The following TNRC6C variants were observed in gnomAD, a reference collection of about 807,000 sequenced individuals.
TNRC6C encodes the protein trinucleotide repeat containing adaptor 6C, also known as trinucleotide repeat-containing gene 6C protein.
TNRC6C carries 20 observed loss-of-function variants against 153.7 expected under a neutral mutation model. The observed-to-expected ratio is 0.13, with a 90% CI of 0.09 to 0.19. TNRC6C has a LOEUF of 0.19. TNRC6C is among the 10% of genes least tolerant of loss of function. The probability of loss-of-function intolerance (pLI) is 1.00; values close to 1 mark genes in which losing one functional copy is unlikely to be tolerated. For missense variants in TNRC6C, 1,987 were observed against 2,172.0 expected, an observed-to-expected ratio of 0.91 and a Z score of 1.69; for synonymous variants, 811 against 841.4, an observed-to-expected ratio of 0.96 and a Z score of 0.63.
intron 1 of TNRC6C, among the ~76,000 whole-genome samples, chr17:77,989,127 A>G (rs1045056952): frequency 2.0e-5 from 3 of 152,198 alleles, no homozygotes; most frequent in Non-Finnish European, 4.4e-5. Flanking sequence ...GCAGTTCTGA[A>G]GAAGGGAGGG....
At chr17:78,058,658 A>T (rs1280718362) in intron 3 of TNRC6C, among the ~76,000 whole-genome samples, 1 of 152,216 alleles carries the variant, frequency 6.6e-6, no homozygotes, top group African/African-American at 2.4e-5. Context: ...CCAATCAGAA[A>T]ACTGGCAGGC....
intron 17 of TNRC6C, among the ~76,000 whole-genome samples, chr17:78,100,746 T>A (rs1173567402): frequency 6.6e-6 from 1 of 151,852 alleles, no homozygotes; most frequent in Admixed American, 6.6e-5. Context: ...CCAGCTTGAA[T>A]TTTTCCTCAG....
At chr17:78,074,250 T>A (rs1441979269) in intron 7 of TNRC6C, among the ~76,000 whole-genome samples, 1 of 152,186 alleles carries the variant, frequency 6.6e-6, no homozygotes, top group Non-Finnish European at 1.5e-5. Context: ...GACACTTCTT[T>A]ACAACCTGAT....
chr17:78,096,872 G>T (rs2073496894), intron 16 of TNRC6C, among the ~76,000 whole-genome samples: 1 of 152,178 alleles, frequency 6.6e-6, no homozygotes, highest in African/African-American at 2.4e-5. Context: ...AAACCAAGCA[G>T]CGAGGAGCTG....
intron 1 of TNRC6C, 24 bp downstream of exon 3, chr17:78,005,103 G>A (rs2071473500): frequency 1.6e-6 from 2 of 1,226,760 alleles, no homozygotes; most frequent in African/African-American, 1.6e-5. Context: ...TATTTAGGGG[G>A]GTACATTTAT....
intron 3 of TNRC6C, among the ~76,000 whole-genome samples, chr17:78,056,006 ACG>A (rs2072646368): frequency 6.6e-6 from 1 of 152,132 alleles, no homozygotes; most frequent in Non-Finnish European, 1.5e-5. Flanking sequence ...CCCCTTTGAT[ACG>A]TGATCCTTAG....
Position 78,075,443 on chromosome 17 carries a change from G to A in TNRC6C, c.3060+165G>A, listed in dbSNP as rs2073068169. 3 of 788,020 alleles carry A rather than the reference G, an allele frequency of 3.8e-6. No individual in the cohort carries two copies. Among genetic ancestry groups the A allele is most frequent in the South Asian group, 2.1e-5 (1 of 48,672 alleles). 48.8% of individuals were successfully genotyped at this position (788,020 alleles called of 1,614,324 possible). A position where few individuals can be genotyped will look rare whatever the true frequency, so the allele number is the denominator to read the frequency against. On this transcript the variant is annotated intron_variant, in intron 8 of 19. Coordinates refer to ENST00000301624, the Ensembl canonical transcript of TNRC6C. The surrounding 1 kb of genome is among the most constrained non-coding windows in gnomAD (Gnocchi z 4.2). ...TTATGAACATTTAACTCAAAGAAGG[G>A]AATGTCGTATTTCATAAGATGTTAC...
At chr17:78,038,344 T>A (rs186158957) in intron 2 of TNRC6C, among the ~76,000 whole-genome samples, 5 of 152,126 alleles carry the variant, frequency 3.3e-5, no homozygotes, top group Non-Finnish European at 5.9e-5. Flanking sequence ...GGGAAGATCA[T>A]AGAACTACCA....
At chr17:77,999,863 G>A (rs1315977820), upstream of TNRC6C, among the ~76,000 whole-genome samples, 1 of 152,218 alleles carries the variant, frequency 6.6e-6, no homozygotes, top group Non-Finnish European at 1.5e-5. Flanking sequence ...TCTAAAGCCA[G>A]TCTGCTAGAA....
chr17:78,035,074 A>T (rs946860123), intron 2 of TNRC6C, among the ~76,000 whole-genome samples: 1 of 152,180 alleles, frequency 6.6e-6, no homozygotes, highest in African/African-American at 2.4e-5. Flanking sequence ...TCCATTTCTC[A>T]TCTAAAATGA....
intron 1 of TNRC6C, among the ~76,000 whole-genome samples, chr17:78,010,191 T>C (rs2071600234): frequency 6.6e-6 from 1 of 152,240 alleles, no homozygotes; most frequent in Non-Finnish European, 1.5e-5. Flanking sequence ...GTACATTTAA[T>C]TAGTATCCTA....
intron 1 of TNRC6C, 37 bp from the exon 4 acceptor site, chr17:78,031,479 T>A: frequency 8.1e-7 from 1 of 1,230,306 alleles, no homozygotes; most frequent in Admixed American, 4.2e-5. Flanking sequence ...GGGGTCTAGC[T>A]AAAGTTTTGG....
At chr17:78,102,623 C>T (rs1424196816) in intron 18 of TNRC6C, 79 bp downstream of exon 21, 11 of 1,428,124 alleles carry the variant, frequency 7.7e-6, no homozygotes, top group African/African-American at 1.4e-5. Flanking sequence ...ATGAGGCTGT[C>T]TGGTGGGGCA....
At chr17:78,050,129 A>G in exon 3 of TNRC6C, 9 of 1,602,864 alleles carry the variant, frequency 5.6e-6, no homozygotes, top group Non-Finnish European at 7.7e-6. Context: ...AGTGACATCA[A>G]TGGGAAAGGA....
At chr17:78,021,979 T>C (rs2143565335) in intron 1 of TNRC6C, among the ~76,000 whole-genome samples, 1 of 152,366 alleles carries the variant, frequency 6.6e-6, no homozygotes, top group East Asian at 1.9e-4. Context: ...AGTCTAATAT[T>C]ACAAGTAGTT....
At chr17:78,014,161 T>C (rs185323657) in intron 1 of TNRC6C, among the ~76,000 whole-genome samples, 94 of 152,312 alleles carry the variant, frequency 6.2e-4, no homozygotes, top group African/African-American at 2.2e-3. Flanking sequence ...TTAAATCTTC[T>C]GTGTTTCATG....
intron 1 of TNRC6C, among the ~76,000 whole-genome samples, chr17:77,976,292 G>T (rs886839575): frequency 3.9e-5 from 6 of 152,242 alleles, no homozygotes; most frequent in Admixed American, 3.3e-4. Context: ...AATCATTTTG[G>T]TATGTTTTAT....
chr17:78,039,972 G>A lies in TNRC6C; in HGVS notation c.-219+8130G>A, dbSNP rs1239721946. Among the ~76,000 whole-genome samples the A allele has an allele frequency of 9.8e-5, 15 of 152,378 alleles. No homozygotes were observed. The East Asian group carries it at 2.7e-3, about 27-fold the overall frequency. Reference sequence around the variant, plus strand: ...TCCCCCTTCACTGGCAGTAGCCAAGGAGAGATAGTCAGTTATTGCCAATGG... The same window carrying A: ...TCCCCCTTCACTGGCAGTAGCCAAGAAGAGATAGTCAGTTATTGCCAATGG... On this transcript the variant is annotated intron_variant, in intron 2 of 19. Coordinates refer to ENST00000301624, the Ensembl canonical transcript of TNRC6C.
chr17:78,071,109 G>C (rs1451859181), exon 6 of TNRC6C: 1 of 1,607,216 alleles, frequency 6.2e-7, no homozygotes. Context: ...TGGCAAGCAG[G>C]ATGAGGCCTG....
Sources: allele counts gnomAD v4.1 joint callset (sites outside exome capture counted in the v4.1 genomes callset), GRCh38; gene constraint gnomAD v4.1.1; non-coding constraint Gnocchi (gnomAD v3.1); transcripts MANE v1.5; gene names NCBI Gene and HGNC (gene_info 2026-07-23, HGNC 2026-07-21).